Variants in SEMA3D observed in about 807,000 individuals in gnomAD.
SEMA3D encodes semaphorin 3D.
In SEMA3D, 84 loss-of-function variants were observed where a neutral mutation model predicts 100.1. That is an observed-to-expected ratio of 0.84 (90% CI 0.70 to 1.01). The LOEUF (loss-of-function observed/expected upper bound fraction) is 1.01, where lower values mean the gene tolerates loss of function less well. Ranked by LOEUF, SEMA3D falls within the 50% of genes least tolerant of loss-of-function variation. The probability of loss-of-function intolerance (pLI) is 0.00; values close to 1 mark genes in which losing one functional copy is unlikely to be tolerated. For missense variants in SEMA3D, 875 were observed against 934.1 expected, an observed-to-expected ratio of 0.94 and a Z score of 0.82; for synonymous variants, 312 against 320.7, an observed-to-expected ratio of 0.97 and a Z score of 0.29.
chr7:85,121,052 A>G (rs1339432227), intron 3 of SEMA3D, among the ~76,000 whole-genome samples: 1 of 152,184 alleles, frequency 6.6e-6, no homozygotes, highest in Non-Finnish European at 1.5e-5. Flanking sequence ...CACATTGAGA[A>G]TAAAGAAGTT....
At chr7:85,194,977 G>C in the SEMA3D span, among the ~76,000 whole-genome samples, 4 of 152,156 alleles carry the variant, frequency 2.6e-5, no homozygotes, top group East Asian at 7.7e-4. Flanking sequence ...TCCAAATACA[G>C]TCACATTTTG....
In SEMA3D at chr7:85,081,538, T is replaced by C. The variant is rs761505813; in HGVS notation, c.354A>G (p.Lys118=). 3.7e-6 allele frequency: 6 copies of C among 1,611,574 alleles called. No homozygotes were observed. The East Asian group carries it at 1.3e-4, about 36-fold the overall frequency. ...TTACATTGGCATCTTTCCCAGCTAA[T>C]TTACATAATTCCACCCGTTCCTTTG... The part of the protein sequence containing the change: ...PAAKERVELC[K]LAGKDANTEC... Residue 118 remains lysine, a synonymous_variant, in exon 5 of 19, where the codon AAA becomes AAG. Transcript: ENST00000284136.
intron 2 of SEMA3D, among the ~76,000 whole-genome samples, chr7:85,138,285 T>A (rs1043085461): frequency 5.3e-5 from 8 of 151,944 alleles, no homozygotes; most frequent in African/African-American, 1.9e-4. Context: ...TCTTTTTTAA[T>A]TCATAATTTT....
chr7:85,190,398 C>A (rs576383872), upstream of SEMA3D, among the ~76,000 whole-genome samples: 298 of 152,228 alleles, frequency 2.0e-3, 1 homozygote, highest in Non-Finnish European at 3.5e-3. Context: ...TCAGCACTGA[C>A]TGATAAGAAA....
At position 84,998,012 on chromosome 7, in the gene SEMA3D, T is replaced by C. The variant is rs1197731569; in HGVS notation, c.*1428A>G. 6.6e-6 allele frequency: 1 copy of C among 152,204 alleles called. No individual in the cohort carries two copies. The highest frequency in any genetic ancestry group is 1.5e-5 in the Non-Finnish European group (1 of 68,002). The allele number at this position is 152,204 out of a possible 1,614,324, so 9.4% of individuals were successfully genotyped here. ...TATTGTGAGTTTGGTTCTTTTTACA[T>C]GTAGCAGGCTTATTTATTGTTAAAT... On this transcript the variant is annotated 3_prime_UTR_variant, in exon 19 of 19. Coordinates refer to ENST00000284136, the MANE Select transcript of SEMA3D (RefSeq NM_001384900.1).
chr7:85,056,230 A>C (rs571179636), intron 8 of SEMA3D, among the ~76,000 whole-genome samples: 8 of 152,158 alleles, frequency 5.3e-5, no homozygotes, highest in African/African-American at 1.9e-4. Context: ...TCTAGCACTG[A>C]TTTTGACATA....
At chr7:85,073,726 C>G (rs753428924) in intron 5 of SEMA3D, among the ~76,000 whole-genome samples, 1 of 152,212 alleles carries the variant, frequency 6.6e-6, no homozygotes, top group Non-Finnish European at 1.5e-5. Context: ...TTCTTATTGA[C>G]CAGATGCCCT....
intron 4 of SEMA3D, among the ~76,000 whole-genome samples, chr7:85,085,694 C>CTCCACAAAAGTAGCCAAAAGTAGCGCAAA (rs1788195315): frequency 6.6e-6 from 1 of 152,152 alleles, no homozygotes; most frequent in Non-Finnish European, 1.5e-5. Context: ...CGCTTACTGG[C>CTCCACAAAAGTAGCCAAAAGTAGCGCAAA]AGTCTCTACT....
chr7:85,236,054 A>C, the SEMA3D span, among the ~76,000 whole-genome samples: 2 of 152,028 alleles, frequency 1.3e-5, no homozygotes, highest in East Asian at 3.9e-4. Flanking sequence ...CCCAATTTTC[A>C]TATGTAACTT....
chr7:85,164,169 G>A (rs575137216), intron 1 of SEMA3D, among the ~76,000 whole-genome samples: 1 of 152,154 alleles, frequency 6.6e-6, no homozygotes, highest in South Asian at 2.1e-4. Context: ...GTCTATTTGA[G>A]CAAAAGTATG....
At chr7:85,225,291 A>G in the SEMA3D span, among the ~76,000 whole-genome samples, 2 of 150,306 alleles carry the variant, frequency 1.3e-5, no homozygotes, top group Admixed American at 6.7e-5. Flanking sequence ...TGATCCTCTT[A>G]TCTTTCCTCT....
At chr7:85,066,913 C>CACACACACACACAGAGAGAG in intron 7 of SEMA3D, among the ~76,000 whole-genome samples, 1 of 127,822 alleles carries the variant, frequency 7.8e-6, no homozygotes, top group African/African-American at 3.1e-5. Context: ...CACACACACA[C>CACACACACACACAGAGAGAG]AGAGAGAGAG....
chr7:85,051,451 C>T (rs1791162340), intron 9 of SEMA3D, among the ~76,000 whole-genome samples: 1 of 151,918 alleles, frequency 6.6e-6, no homozygotes, highest in Non-Finnish European at 1.5e-5. Context: ...CCAGTTTTCC[C>T]ACTCAGCAAT....
At chr7:85,170,737 A>T (rs868036868) in intron 1 of SEMA3D, among the ~76,000 whole-genome samples, 19 of 152,108 alleles carry the variant, frequency 1.2e-4, no homozygotes, top group Middle Eastern at 3.4e-3. Context: ...TCTTCCCAAG[A>T]CACTAACTCT....
rs1224734127 is a variant in SEMA3D at position 84,996,571 on chromosome 7, G to C, written c.*2869C>G. 6.6e-6 allele frequency: 1 copy of C among 152,238 alleles called. No homozygotes were observed. The highest frequency in any genetic ancestry group is 1.5e-5 in the Non-Finnish European group (1 of 67,908). 9.4% of individuals were successfully genotyped at this position (152,238 alleles called of 1,614,324 possible). On this transcript the variant is annotated 3_prime_UTR_variant, in exon 19 of 19. Transcript: ENST00000284136. Reference sequence around the variant, plus strand: ...AAAAGGACTCTACATAAATTAATTAGACAATTCATTTCTAAATAAAATCTC... The same window carrying C: ...AAAAGGACTCTACATAAATTAATTACACAATTCATTTCTAAATAAAATCTC...
rs1453073844 is a variant in SEMA3D at position 85,097,964 on chromosome 7, G to C, written c.153C>G (p.Asp51Glu). 2 of 1,517,426 alleles carry C rather than the reference G, an allele frequency of 1.3e-6. No individual in the cohort carries two copies. The highest frequency in any genetic ancestry group is 1.8e-6 in the Non-Finnish European group (2 of 1,129,502). The allele number at this position is 1,517,426 out of a possible 1,614,324, so 94.0% of individuals were successfully genotyped here. Residue 51 changes from aspartate (D) to glutamate (E), a missense_variant and splice_region_variant, in exon 4 of 19, where the codon GAC (aspartate) becomes GAG (glutamate). Physicochemically the swap from Asp to Glu is conservative, Grantham distance 45 (BLOSUM62 2). Transcript: ENST00000284136. ...GAATACAGCTATTTGAAAGCAGCAA[G>C]TCTATGGAAAGCAAAAAAAGAAAAG... ...NIPRLKLTYKDLLLSNSCIPF... is the reference protein window; with the variant it reads ...NIPRLKLTYKELLLSNSCIPF...
the SEMA3D span, among the ~76,000 whole-genome samples, chr7:85,225,048 TTTTATATATATATATA>T: frequency 1.1e-5 from 1 of 92,802 alleles, no homozygotes; most frequent in Admixed American, 1.3e-4. Context: ...CCTGATTTTC[TTTTATATATATATATA>T]TATATATATA....
At chr7:85,093,433 T>A in intron 4 of SEMA3D, among the ~76,000 whole-genome samples, 1 of 152,032 alleles carries the variant, frequency 6.6e-6, no homozygotes, top group East Asian at 1.9e-4. Flanking sequence ...CCATGAAGAC[T>A]GTGGCAGCCA....
intron 1 of SEMA3D, among the ~76,000 whole-genome samples, chr7:85,168,919 T>C (rs12704114): frequency 0.69 from 103,091 of 150,336 alleles, 36,407 homozygotes; most frequent in East Asian, 0.93. Context: ...GGCAGTAAAG[T>C]GTTGGGGCAG....
Sources: allele counts gnomAD v4.1 joint callset (sites outside exome capture counted in the v4.1 genomes callset), GRCh38; gene constraint gnomAD v4.1.1; transcripts MANE v1.5; gene names NCBI Gene and HGNC (gene_info 2026-07-23, HGNC 2026-07-21).